The following GALNT13 variants were observed in gnomAD, a reference collection of about 807,000 sequenced individuals.
The protein encoded by GALNT13 is UDP-GalNAc:polypeptide N-acetylgalactosaminyltransferase 13.
In GALNT13, 28 loss-of-function variants were observed where a neutral mutation model predicts 64.2. The ratio of observed to expected loss-of-function variants is 0.44; its 90% CI spans 0.32 to 0.60. The LOEUF (loss-of-function observed/expected upper bound fraction) is 0.60, where lower values mean the gene tolerates loss of function less well. Ranked by LOEUF, GALNT13 falls within the 20% of genes least tolerant of loss-of-function variation. The probability of loss-of-function intolerance (pLI) is 0.05; values close to 1 mark genes in which losing one functional copy is unlikely to be tolerated. For synonymous variants in GALNT13, 214 were observed against 224.6 expected (o/e 0.95, Z 0.42); for missense variants, 577 against 669.8 (o/e 0.86, Z 1.53).
At chr2:153,257,269 C>G in the GALNT13 span, among the ~76,000 whole-genome samples, 49 of 152,280 alleles carry the variant, frequency 3.2e-4, no homozygotes, top group South Asian at 1.9e-3. Context: ...TCCCTGACCC[C>G]TTGGGCTTCC....
chr2:154,350,682 GACTAATACACTCCCT>G (rs1382421363), intron 9 of GALNT13, among the ~76,000 whole-genome samples: 1 of 152,088 alleles, frequency 6.6e-6, no homozygotes, highest in Non-Finnish European at 1.5e-5. Context: ...AGAGAACTCT[GACTAATACACTCCCT>G]ACTATGTGCA....
At chr2:154,064,642 C>G (rs982834639) in intron 3 of GALNT13, among the ~76,000 whole-genome samples, 1 of 152,086 alleles carries the variant, frequency 6.6e-6, no homozygotes, top group African/African-American at 2.4e-5. Flanking sequence ...GAAGATTACC[C>G]ACTGCCTATA....
intron 3 of GALNT13, among the ~76,000 whole-genome samples, chr2:153,987,236 C>T (rs559735913): frequency 4.6e-5 from 7 of 151,896 alleles, no homozygotes; most frequent in Admixed American, 1.3e-4. Context: ...TAAAATCGGG[C>T]AAGTCTGTGG....
chr2:153,569,055 A>AGTTATT, the GALNT13 span, among the ~76,000 whole-genome samples: 1 of 152,216 alleles, frequency 6.6e-6, no homozygotes, highest in Non-Finnish European at 1.5e-5. Flanking sequence ...TATTATAAAT[A>AGTTATT]GTGCTGCTAT....
chr2:153,120,752 A>G, the GALNT13 span, among the ~76,000 whole-genome samples: 24 of 152,178 alleles, frequency 1.6e-4, no homozygotes, highest in African/African-American at 5.8e-4. Flanking sequence ...AGTTAGAGCC[A>G]GAGGAGGAGT....
the GALNT13 span, among the ~76,000 whole-genome samples, chr2:153,829,410 T>C: frequency 1.3e-5 from 2 of 152,000 alleles, no homozygotes; most frequent in Non-Finnish European, 2.9e-5. Flanking sequence ...TCATCTTACA[T>C]AGATGGCAGC....
At chr2:153,380,617 G>A in the GALNT13 span, among the ~76,000 whole-genome samples, 3 of 152,024 alleles carry the variant, frequency 2.0e-5, no homozygotes, top group Non-Finnish European at 4.4e-5. Flanking sequence ...GGATAGCAAG[G>A]AACAACTGTA....
rs181378811 is a variant in GALNT13, at chr2:153,958,180, C to G, written c.142+13541C>G. The stretch of plus-strand genomic sequence containing the variant: ...ATAAGGATGAGGTGTGCCTGATGTC[C>G]TTGGGGTACAGTCCTTCATTAGAGA... On this transcript the variant is annotated intron_variant, in intron 3 of 12. Coordinates refer to ENST00000392825, the MANE Select transcript of GALNT13 (RefSeq NM_052917.4). Among the ~76,000 whole-genome samples, 302 of 152,200 alleles carry G rather than the reference C, an allele frequency of 2.0e-3. 3 individuals carry two copies. Among genetic ancestry groups the G allele is most frequent in the Admixed American group, 0.018 (272 of 15,292 alleles).
At chr2:153,301,309 C>CAAAAAAAAA in the GALNT13 span, among the ~76,000 whole-genome samples, 10 of 76,410 alleles carry the variant, frequency 1.3e-4, no homozygotes, top group Non-Finnish European at 1.8e-4. Flanking sequence ...GACTCCTTCT[C>CAAAAAAAAA]AAAAAAAAAG....
the GALNT13 span, among the ~76,000 whole-genome samples, chr2:153,836,666 C>G: frequency 7.1e-6 from 1 of 141,068 alleles, no homozygotes; most frequent in Non-Finnish European, 1.5e-5. Flanking sequence ...CCTCCCCCCT[C>G]CCCACAACGG....
chr2:154,024,495 G>A (rs1427879925), intron 3 of GALNT13, among the ~76,000 whole-genome samples: 1 of 152,092 alleles, frequency 6.6e-6, no homozygotes, highest in Non-Finnish European at 1.5e-5. Context: ...GGCTCCTGAG[G>A]CGTCTGCATT....
intron 3 of GALNT13, among the ~76,000 whole-genome samples, chr2:153,996,486 A>G (rs892692407): frequency 2.0e-5 from 3 of 152,102 alleles, no homozygotes; most frequent in African/African-American, 7.2e-5. Context: ...TTCTTTTGAT[A>G]AATGTCTATT....
chr2:153,809,932 A>G, the GALNT13 span, among the ~76,000 whole-genome samples: 4 of 152,012 alleles, frequency 2.6e-5, no homozygotes, highest in Non-Finnish European at 4.4e-5. Context: ...ATTAACATAT[A>G]AATATGCTAT....
At chr2:153,665,926 C>T in the GALNT13 span, among the ~76,000 whole-genome samples, 1 of 152,148 alleles carries the variant, frequency 6.6e-6, no homozygotes, top group South Asian at 2.1e-4. Context: ...GAAGAATGGA[C>T]AGGGATGCCC....
At chr2:153,297,899 C>T in the GALNT13 span, among the ~76,000 whole-genome samples, 1 of 152,148 alleles carries the variant, frequency 6.6e-6, no homozygotes, top group Non-Finnish European at 1.5e-5. Context: ...ATCCTTCAAA[C>T]TGGGTGATTC....
intron 2 of GALNT13, among the ~76,000 whole-genome samples, chr2:153,907,736 A>T (rs934456965): frequency 1.3e-5 from 2 of 151,636 alleles, no homozygotes; most frequent in Non-Finnish European, 2.9e-5. Flanking sequence ...ATATGATCTA[A>T]TTTTTTTGTG....
At chr2:154,045,898 C>T (rs568812702) in intron 3 of GALNT13, among the ~76,000 whole-genome samples, 4 of 152,178 alleles carry the variant, frequency 2.6e-5, no homozygotes, top group African/African-American at 4.8e-5. Flanking sequence ...GCATTATTGC[C>T]GTTAAAGTCT....
At chr2:154,172,795 CTA>C (rs1685435919) in intron 4 of GALNT13, among the ~76,000 whole-genome samples, 1 of 151,582 alleles carries the variant, frequency 6.6e-6, no homozygotes, top group Admixed American at 6.6e-5. Flanking sequence ...CAAGAAAAAA[CTA>C]TACAACATTG....
chr2:153,418,245 A>C, the GALNT13 span, among the ~76,000 whole-genome samples: 91 of 152,366 alleles, frequency 6.0e-4, no homozygotes, highest in East Asian at 0.016. Flanking sequence ...GAATTCAAGT[A>C]GCCTCTAGAA....
Sources: allele counts gnomAD v4.1 joint callset (sites outside exome capture counted in the v4.1 genomes callset), GRCh38; gene constraint gnomAD v4.1.1; transcripts MANE v1.5; gene names NCBI Gene and HGNC (gene_info 2026-07-23, HGNC 2026-07-21).